Variants in MBD5 observed in about 807,000 individuals in gnomAD.
The protein encoded by MBD5 is methyl-CpG binding domain protein 5.
Under a neutral mutation model 117.3 loss-of-function variants are expected in MBD5, and 13 were observed. That is an observed-to-expected ratio of 0.11 (90% CI 0.07 to 0.18). The LOEUF is 0.18. MBD5 is among the 10% of genes least tolerant of loss of function. The pLI, the probability that MBD5 is intolerant of heterozygous loss-of-function variation, is 1.00. For synonymous variants in MBD5, 727 were observed against 766.4 expected (o/e 0.95, Z 0.85); for missense variants, 1,879 against 2,093.8 (o/e 0.90, Z 2.00).
At chr2:148,504,381 C>G (rs983696153) in intron 12 of MBD5, among the ~76,000 whole-genome samples, 2 of 152,150 alleles carry the variant, frequency 1.3e-5, no homozygotes, top group Admixed American at 6.5e-5. Flanking sequence ...CGAGATGGGT[C>G]AAAATTACTG....
At chr2:148,356,452 T>C (rs1703382716) in intron 4 of MBD5, among the ~76,000 whole-genome samples, 1 of 152,160 alleles carries the variant, frequency 6.6e-6, no homozygotes, top group South Asian at 2.1e-4. Flanking sequence ...GACTGTAAGC[T>C]TCAAGAAGGG....
chr2:148,445,945 G>A (rs1165212087), intron 4 of MBD5, among the ~76,000 whole-genome samples: 1 of 151,216 alleles, frequency 6.6e-6, no homozygotes, highest in Admixed American at 6.6e-5. Flanking sequence ...TTTGAGAAGC[G>A]TCTGTTCATA....
chr2:148,061,633 A>AGT (rs58729092), intron 1 of MBD5, among the ~76,000 whole-genome samples: 2,635 of 150,760 alleles, frequency 0.017, 84 homozygotes, highest in African/African-American at 0.06. Flanking sequence ...TACAGCAGTG[A>AGT]GTGTGTGTGT....
At chr2:148,385,206 C>T (rs1016623821) in intron 4 of MBD5, among the ~76,000 whole-genome samples, 9 of 152,100 alleles carry the variant, frequency 5.9e-5, no homozygotes, top group Admixed American at 1.3e-4. Context: ...ATTTTGGCAA[C>T]GTACTCATCT....
At chr2:148,447,318 A>G (rs572381357) in intron 4 of MBD5, among the ~76,000 whole-genome samples, 1 of 152,022 alleles carries the variant, frequency 6.6e-6, no homozygotes, top group African/African-American at 2.4e-5. Context: ...CCCTTTACCT[A>G]CTCTAAGTCA....
intron 11 of MBD5, among the ~76,000 whole-genome samples, chr2:148,496,775 C>T (rs569453378): frequency 3.9e-5 from 6 of 152,028 alleles, no homozygotes; most frequent in East Asian, 1.9e-4. Flanking sequence ...AAGGAAGCAC[C>T]GAAAAAGGCC....
chr2:148,023,087 CT>C (rs74710713), intron 1 of MBD5, among the ~76,000 whole-genome samples: 1,892 of 141,930 alleles, frequency 0.013, 28 homozygotes, highest in African/African-American at 0.04. Flanking sequence ...CCCTCACACC[CT>C]TTTTTTTTTT....
intron 1 of MBD5, among the ~76,000 whole-genome samples, chr2:148,130,914 A>T (rs1697029236): frequency 6.6e-6 from 1 of 152,196 alleles, no homozygotes; most frequent in Non-Finnish European, 1.5e-5. Flanking sequence ...AGGTGATTAG[A>T]ATCCAAATAG....
In MBD5 at chr2:148,468,542, G is replaced by T. The variant is rs149278000; in HGVS notation, c.599G>T (p.Arg200Leu). The change falls in exon 8 of 14, where the codon CGA (arginine) becomes CTA (leucine). Residue 200 changes from arginine (R) to leucine (L), a missense_variant. By Grantham distance (102) the Arg-to-Leu change is moderately radical. Coordinates refer to ENST00000642680, the MANE Select transcript of MBD5 (RefSeq NM_001378120.1). ...CAAGAACTCCACCCTGTCTACCCCC[G>T]ACAGAGATTGGGCAGCAGTGAACAT... ...QQQELHPVYP[R>L]QRLGSSEHGQ... The T allele has an allele frequency of 4.3e-6, 7 of 1,613,712 alleles. No individual in the cohort carries two copies. In the African/African-American group the frequency reaches 9.4e-5, roughly 22 times the overall value.
chr2:148,243,610 G>A (rs561268930), intron 3 of MBD5: 1 of 151,870 alleles, frequency 6.6e-6, no homozygotes, highest in Admixed American at 6.6e-5. Context: ...TTTTTTTAAA[G>A]TTGTAAGATA....
At chr2:148,263,317 G>A (rs1185224841) in intron 3 of MBD5, among the ~76,000 whole-genome samples, 2 of 152,076 alleles carry the variant, frequency 1.3e-5, no homozygotes, top group East Asian at 1.9e-4. Flanking sequence ...AAAATATATC[G>A]TGGCACAAAT....
intron 1 of MBD5, among the ~76,000 whole-genome samples, chr2:148,143,994 T>G (rs1037795577): frequency 5.9e-5 from 9 of 152,256 alleles, no homozygotes; most frequent in African/African-American, 2.2e-4. Flanking sequence ...GGTCAAATGG[T>G]ATTTCTAGTT....
intron 4 of MBD5, among the ~76,000 whole-genome samples, chr2:148,452,991 T>C (rs1425251358): frequency 2.0e-5 from 3 of 152,232 alleles, no homozygotes; most frequent in Admixed American, 2.0e-4. Context: ...TTATATTGAC[T>C]AATTAGAATA....
intron 1 of MBD5, chr2:148,026,632 A>C (rs930831476): frequency 3.9e-5 from 6 of 152,164 alleles, no homozygotes; most frequent in Admixed American, 2.0e-4. Flanking sequence ...CTAAAAATAA[A>C]AAATAAGGTC....
Position 148,183,994 on chromosome 2 carries a change from C to A in MBD5, c.-831+5201C>A, listed in dbSNP as rs78794546. Among the ~76,000 whole-genome samples the A allele has an allele frequency of 1.9e-3, 293 of 151,370 alleles. 9 individuals are homozygous for A. The East Asian group carries it at 0.055, about 28-fold the overall frequency. Reference sequence around the variant, plus strand: ...CATGATGTTTTTGGCCTGTTCAACTCCATCATTCCTTCAAATACATCCTTC... The same window carrying A: ...CATGATGTTTTTGGCCTGTTCAACTACATCATTCCTTCAAATACATCCTTC... On this transcript the variant is annotated intron_variant, in intron 2 of 13. Coordinates refer to ENST00000642680, the MANE Select transcript of MBD5 (RefSeq NM_001378120.1).
intron 4 of MBD5, among the ~76,000 whole-genome samples, chr2:148,398,728 A>G (rs1704818528): frequency 6.6e-6 from 1 of 152,184 alleles, no homozygotes; most frequent in African/African-American, 2.4e-5. Context: ...GTCCTTGCCC[A>G]TGTCTATGTC....
At chr2:148,176,406 G>C (rs915959414) in intron 1 of MBD5, among the ~76,000 whole-genome samples, 9 of 127,636 alleles carry the variant, frequency 7.1e-5, no homozygotes, top group Non-Finnish European at 1.5e-4. Flanking sequence ...GAATTTTCTT[G>C]CTTTTTTTTT....
At chr2:148,387,313 A>G (rs1188440963) in intron 4 of MBD5, among the ~76,000 whole-genome samples, 2 of 152,190 alleles carry the variant, frequency 1.3e-5, no homozygotes, top group Non-Finnish European at 2.9e-5. Context: ...AAACATGATC[A>G]TCTCAATAGA....
chr2:148,150,344 C>G (rs1016226079), intron 1 of MBD5, among the ~76,000 whole-genome samples: 2 of 151,110 alleles, frequency 1.3e-5, no homozygotes, highest in East Asian at 1.9e-4. Flanking sequence ...GTTACTATAG[C>G]CTTGTAGTAT....
Sources: allele counts gnomAD v4.1 joint callset (sites outside exome capture counted in the v4.1 genomes callset), GRCh38; gene constraint gnomAD v4.1.1; transcripts MANE v1.5; gene names NCBI Gene and HGNC (gene_info 2026-07-23, HGNC 2026-07-21).